LINGO2: variants seen among roughly 807,000 people sequenced by gnomAD.
LINGO2 encodes leucine rich repeat and Ig domain containing 2.
A neutral mutation model predicts 30.6 loss-of-function variants in LINGO2; 14 were observed. That is an observed-to-expected ratio of 0.46 (90% confidence interval 0.30 to 0.72). The LOEUF (loss-of-function observed/expected upper bound fraction) is 0.72. LINGO2 is among the 30% of genes least tolerant of loss of function. The pLI, the probability that LINGO2 is intolerant of heterozygous loss-of-function variation, is 0.07. For synonymous variants in LINGO2, 317 were observed against 288.5 expected (o/e 1.10, Z -1.00); for missense variants, 729 against 751.7 (o/e 0.97, Z 0.35).
chr9:28,991,776 G>A, the LINGO2 span, among the ~76,000 whole-genome samples: 2 of 148,438 alleles, frequency 1.3e-5, no homozygotes, highest in Non-Finnish European at 1.5e-5. Flanking sequence ...AGCTTCATAA[G>A]TGAAGGAGAA....
chr9:28,362,848 G>GTT (rs1820506223), intron 3 of LINGO2, among the ~76,000 whole-genome samples: 1 of 152,146 alleles, frequency 6.6e-6, no homozygotes, highest in African/African-American at 2.4e-5. Context: ...TTTGAAAAGT[G>GTT]TTTTATTCTA....
chr9:28,206,033 T>C (rs781593497), intron 4 of LINGO2, among the ~76,000 whole-genome samples: 2 of 151,810 alleles, frequency 1.3e-5, no homozygotes, highest in Non-Finnish European at 2.9e-5. Flanking sequence ...GGTGTGGTGG[T>C]GTCTGTCTGT....
intron 4 of LINGO2, among the ~76,000 whole-genome samples, chr9:28,119,248 C>T (rs1305081110): frequency 6.6e-6 from 1 of 152,162 alleles, no homozygotes; most frequent in East Asian, 1.9e-4. Context: ...ACCTAGAAAC[C>T]TCAGCCTCCT....
At chr9:28,633,123 G>C (rs1827079787) in intron 1 of LINGO2, among the ~76,000 whole-genome samples, 1 of 151,678 alleles carries the variant, frequency 6.6e-6, no homozygotes, top group Admixed American at 6.6e-5. Context: ...ATGTTTTTCT[G>C]CCTGCTTTTT....
At chr9:28,410,339 A>T (rs1822712513) in intron 2 of LINGO2, among the ~76,000 whole-genome samples, 1 of 152,088 alleles carries the variant, frequency 6.6e-6, no homozygotes, top group African/African-American at 2.4e-5. Flanking sequence ...TGTTTACTTT[A>T]TGTGGGTTTT....
At chr9:28,771,412 C>A in the LINGO2 span, among the ~76,000 whole-genome samples, 1 of 150,914 alleles carries the variant, frequency 6.6e-6, no homozygotes, top group African/African-American at 2.4e-5. Context: ...GACTGAAATT[C>A]TCCCCCTGTC....
intron 3 of LINGO2, among the ~76,000 whole-genome samples, chr9:28,371,230 T>C (rs1820883295): frequency 6.6e-6 from 1 of 152,220 alleles, no homozygotes; most frequent in African/African-American, 2.4e-5. Flanking sequence ...AGATGATAGC[T>C]CCATTTCAAC....
chr9:28,617,101 A>G (rs1826162530), intron 1 of LINGO2, among the ~76,000 whole-genome samples: 1 of 152,150 alleles, frequency 6.6e-6, no homozygotes, highest in Non-Finnish European at 1.5e-5. Flanking sequence ...GTAAAAAATA[A>G]GTCCTATTAA....
chr9:28,813,069 T>TA, the LINGO2 span, among the ~76,000 whole-genome samples: 5,971 of 144,136 alleles, frequency 0.041, 145 homozygotes, highest in East Asian at 0.091. Flanking sequence ...CCTACTGCAG[T>TA]AAAAAAAAAA....
At chr9:28,324,876 T>C (rs1436985566) in intron 3 of LINGO2, among the ~76,000 whole-genome samples, 1 of 152,172 alleles carries the variant, frequency 6.6e-6, no homozygotes, top group Admixed American at 6.5e-5. Context: ...TCTTTACTTC[T>C]CCGATAATAT....
At chr9:29,071,583 T>TA in the LINGO2 span, among the ~76,000 whole-genome samples, 25 of 149,522 alleles carry the variant, frequency 1.7e-4, no homozygotes, top group East Asian at 4.2e-3. Context: ...AAAATAATCT[T>TA]AAACAGAACA....
At chr9:29,201,587 CTG>C in the LINGO2 span, among the ~76,000 whole-genome samples, 3 of 148,326 alleles carry the variant, frequency 2.0e-5, no homozygotes, top group Non-Finnish European at 3.0e-5. Context: ...TGCAATGAAA[CTG>C]TTATAAAAAG....
rs569376380 is a variant in LINGO2 at position 28,146,443 on chromosome 9, G to T, written c.-86-134038C>A. ...AGAGAAAGTACAAATATTGATTGTG[G>T]TTTGGTAAAGAGGAAAGAATTGCAG... On this transcript the variant is annotated intron_variant, in intron 4 of 5. Coordinates refer to ENST00000379992, the Ensembl canonical transcript of LINGO2. 2.6e-5 allele frequency among the ~76,000 whole-genome samples: 4 copies of T among 152,310 alleles called. 1 individual carries two copies. In the South Asian group the frequency reaches 8.3e-4, roughly 32 times the overall value.
At chr9:27,959,790 G>T (rs894510498) in intron 5 of LINGO2, among the ~76,000 whole-genome samples, 3 of 152,098 alleles carry the variant, frequency 2.0e-5, no homozygotes, top group Admixed American at 1.3e-4. Context: ...GGCTAATGTG[G>T]TTGAATGTGT....
intron 1 of LINGO2, among the ~76,000 whole-genome samples, chr9:28,571,996 C>G (rs536556497): frequency 2.0e-5 from 3 of 151,918 alleles, no homozygotes; most frequent in African/African-American, 7.2e-5. Flanking sequence ...TTGCCATAAC[C>G]ACAGTGGTCC....
the LINGO2 span, among the ~76,000 whole-genome samples, chr9:29,002,845 G>A: frequency 2.0e-5 from 3 of 151,864 alleles, no homozygotes; most frequent in African/African-American, 7.3e-5. Context: ...GTCATTAGGG[G>A]TTCAGTTGTA....
chr9:29,189,268 G>A, the LINGO2 span, among the ~76,000 whole-genome samples: 1 of 151,550 alleles, frequency 6.6e-6, no homozygotes, highest in Non-Finnish European at 1.5e-5. Context: ...GGCCTGGCGG[G>A]GGGCTGACCG....
At chr9:28,883,254 G>T in the LINGO2 span, among the ~76,000 whole-genome samples, 15 of 151,956 alleles carry the variant, frequency 9.9e-5, no homozygotes, top group Non-Finnish European at 1.9e-4. Flanking sequence ...GAGTGTAGGG[G>T]TGTGATCTCA....
intron 5 of LINGO2, among the ~76,000 whole-genome samples, chr9:27,987,067 T>G (rs188198194): frequency 9.9e-4 from 145 of 146,764 alleles, no homozygotes; most frequent in African/African-American, 3.5e-3. Context: ...TCAGCAAAAT[T>G]GTTAACTTTT....
Sources: allele counts gnomAD v4.1 joint callset (sites outside exome capture counted in the v4.1 genomes callset), GRCh38; gene constraint gnomAD v4.1.1; transcripts MANE v1.5; gene names NCBI Gene and HGNC (gene_info 2026-07-23, HGNC 2026-07-21).